Variants in CFAP299 observed in about 807,000 individuals in gnomAD.
The protein encoded by CFAP299 is cilia- and flagella-associated protein 299.
In CFAP299, 21 loss-of-function variants were observed where a neutral mutation model predicts 27.0. The ratio of observed to expected loss-of-function variants is 0.78; its 90% confidence interval spans 0.55 to 1.12. The LOEUF (loss-of-function observed/expected upper bound fraction) is 1.12, where lower values mean the gene tolerates loss of function less well. Ranked by LOEUF, CFAP299 falls within the 50% of genes most tolerant of loss-of-function variation. The pLI, the probability that CFAP299 is intolerant of heterozygous loss-of-function variation, is 0.00. For synonymous variants in CFAP299, 104 were observed against 98.1 expected (o/e 1.06, Z -0.36); for missense variants, 310 against 276.6 (o/e 1.12, Z -0.86).
intron 3 of CFAP299, among the ~76,000 whole-genome samples, chr4:80,852,599 T>G (rs1332284955): frequency 6.6e-6 from 1 of 152,228 alleles, no homozygotes. Context: ...ATTTACGTGA[T>G]TCCTTTGACA....
intron 1 of CFAP299, among the ~76,000 whole-genome samples, chr4:80,359,258 C>A (rs1723426281): frequency 6.6e-6 from 1 of 152,034 alleles, no homozygotes; most frequent in South Asian, 2.1e-4. Flanking sequence ...AACAGTTTTT[C>A]TTTCATTTTA....
chr4:80,846,884 G>A (rs911883639), intron 3 of CFAP299, among the ~76,000 whole-genome samples: 1 of 152,184 alleles, frequency 6.6e-6, no homozygotes, highest in Non-Finnish European at 1.5e-5. Context: ...CCGCTACTGA[G>A]AATGCCTCTG....
intron 5 of CFAP299, among the ~76,000 whole-genome samples, chr4:80,954,817 G>C (rs1162715450): frequency 6.6e-6 from 1 of 151,712 alleles, no homozygotes; most frequent in South Asian, 2.1e-4. Context: ...GGCTAACAAG[G>C]GGAAACGCTG....
At chr4:80,555,589 T>C (rs1234025789) in intron 2 of CFAP299, among the ~76,000 whole-genome samples, 1 of 152,146 alleles carries the variant, frequency 6.6e-6, no homozygotes, top group African/African-American at 2.4e-5. Context: ...AACTTATTTA[T>C]ACACCTGGTA....
chr4:80,328,118 T>G, the CFAP299 span, among the ~76,000 whole-genome samples: 1 of 151,894 alleles, frequency 6.6e-6, no homozygotes, highest in African/African-American at 2.4e-5. Flanking sequence ...AAAATTTTGG[T>G]TGGAGAAAGC....
At chr4:80,388,697 T>A in intron 2 of CFAP299, 2 of 842,406 alleles carry the variant, frequency 2.4e-6, no homozygotes, top group Non-Finnish European at 4.0e-6. Flanking sequence ...CTCCAGGGCC[T>A]TAAAGATCAC....
At chr4:80,891,255 A>T (rs1734258136) in intron 4 of CFAP299, among the ~76,000 whole-genome samples, 1 of 149,880 alleles carries the variant, frequency 6.7e-6, no homozygotes, top group Non-Finnish European at 1.5e-5. Context: ...TAAGGAAGGG[A>T]TCCAGTTTCA....
At chr4:80,882,668 AG>A (rs1733770290) in intron 4 of CFAP299, among the ~76,000 whole-genome samples, 1 of 152,150 alleles carries the variant, frequency 6.6e-6, no homozygotes, top group African/African-American at 2.4e-5. Flanking sequence ...AAAAGTGGTA[AG>A]TAAAAAGTGT....
intron 2 of CFAP299, among the ~76,000 whole-genome samples, chr4:80,517,657 G>C (rs371487059): frequency 1.3e-5 from 2 of 152,174 alleles, no homozygotes; most frequent in East Asian, 1.9e-4. Flanking sequence ...GTGGGACCTA[G>C]AAGTATTCCT....
chr4:80,360,261 C>T (rs1723475077), intron 1 of CFAP299, among the ~76,000 whole-genome samples: 1 of 152,122 alleles, frequency 6.6e-6, no homozygotes, highest in Non-Finnish European at 1.5e-5. Flanking sequence ...GAGGTGCCTG[C>T]CTCTCTGCAG....
At chr4:80,775,818 G>A (rs1343681073) in intron 3 of CFAP299, among the ~76,000 whole-genome samples, 3 of 152,118 alleles carry the variant, frequency 2.0e-5, no homozygotes, top group Admixed American at 6.6e-5. Context: ...AAAGACATGA[G>A]TCTTTGTTTT....
intron 3 of CFAP299, among the ~76,000 whole-genome samples, chr4:80,735,643 G>T (rs1482479342): frequency 6.6e-6 from 1 of 152,042 alleles, no homozygotes; most frequent in Non-Finnish European, 1.5e-5. Flanking sequence ...TTTCTTTCAT[G>T]AAGGGATGTT....
intron 2 of CFAP299, among the ~76,000 whole-genome samples, chr4:80,552,120 G>A (rs6835083): frequency 0.38 from 57,438 of 152,000 alleles, 14,256 homozygotes; most frequent in African/African-American, 0.71. Flanking sequence ...TGAATTATGT[G>A]TTTAAATACA....
intron 4 of CFAP299, among the ~76,000 whole-genome samples, chr4:80,915,800 TA>T (rs1317628794): frequency 1.3e-5 from 2 of 152,134 alleles, no homozygotes; most frequent in Non-Finnish European, 2.9e-5. Context: ...TTTCAGGTAT[TA>T]TATATTTTCT....
chr4:80,854,809 TGA>T (rs1731733819), intron 3 of CFAP299, among the ~76,000 whole-genome samples: 2 of 67,884 alleles, frequency 2.9e-5, no homozygotes, highest in Non-Finnish European at 2.5e-5. Context: ...GCTGTTGCTA[TGA>T]AAAAAAAAAA....
chr4:80,442,072 C>T (rs970489598), intron 2 of CFAP299, among the ~76,000 whole-genome samples: 1 of 152,076 alleles, frequency 6.6e-6, no homozygotes, highest in Non-Finnish European at 1.5e-5. Context: ...TCTTAGAGAC[C>T]AACAAAGAGA....
intron 3 of CFAP299, among the ~76,000 whole-genome samples, chr4:80,769,534 C>G (rs1447869660): frequency 6.6e-6 from 1 of 152,090 alleles, no homozygotes; most frequent in Non-Finnish European, 1.5e-5. Context: ...GCTGGGACTA[C>G]AAGGCATAAG....
chr4:80,334,269 A>G (rs991061614), upstream of CFAP299, among the ~76,000 whole-genome samples: 13 of 152,324 alleles, frequency 8.5e-5, no homozygotes, highest in African/African-American at 3.1e-4. Flanking sequence ...CCATGACCTC[A>G]CATTTTACTA....
At chr4:80,389,704 G>T (rs1725223063) in intron 2 of CFAP299, among the ~76,000 whole-genome samples, 1 of 152,078 alleles carries the variant, frequency 6.6e-6, no homozygotes, top group African/African-American at 2.4e-5. Flanking sequence ...TCATTACTTT[G>T]TGCCTTTATT....
Sources: gnomAD v4.1 joint callset for allele counts (sites outside exome capture counted in the v4.1 genomes callset) on GRCh38, gnomAD v4.1.1 for gene constraint, MANE v1.5 for transcripts, NCBI Gene and HGNC (gene_info 2026-07-23, HGNC 2026-07-21) for gene names.